The following KIDINS220 variants were observed in gnomAD, a reference collection of about 807,000 sequenced individuals.
KIDINS220 encodes kinase D-interacting substrate of 220 kDa.
In KIDINS220, 63 loss-of-function variants were observed where a neutral mutation model predicts 157.6. The observed-to-expected ratio is 0.40, with a 90% confidence interval of 0.33 to 0.49. The LOEUF is 0.49. Ranked by LOEUF, KIDINS220 falls within the 20% of genes least tolerant of loss-of-function variation. The pLI is 0.66. For missense variants in KIDINS220, 1,772 were observed against 2,171.2 expected, an observed-to-expected ratio of 0.82 and a Z score of 3.65; for synonymous variants, 732 against 783.6, an observed-to-expected ratio of 0.93 and a Z score of 1.10.
intron 22 of KIDINS220, among the ~76,000 whole-genome samples, chr2:8,759,676 C>T (rs978773578): frequency 5.3e-5 from 8 of 151,520 alleles, no homozygotes; most frequent in African/African-American, 1.9e-4. Flanking sequence ...AAGGCACTGT[C>T]TTCATTCATG....
chr2:8,750,037 C>CTCT, intron 24 of KIDINS220, 75 bp downstream of exon 24: 1 of 1,300,644 alleles, frequency 7.7e-7, no homozygotes, highest in Non-Finnish European at 1.1e-6. Context: ...AAAACCAAAA[C>CTCT]AGAATCCACA....
At chr2:8,788,988 T>A (rs1672809476) in intron 14 of KIDINS220, among the ~76,000 whole-genome samples, 176 bp from the exon 15 acceptor site, 2 of 152,122 alleles carry the variant, frequency 1.3e-5, no homozygotes, top group African/African-American at 4.8e-5. Flanking sequence ...ATACAGAAGA[T>A]ATGAAAAATG....
chr2:8,738,517 C>T (rs565350875), intron 26 of KIDINS220, among the ~76,000 whole-genome samples: 1 of 152,336 alleles, frequency 6.6e-6, no homozygotes, highest in South Asian at 2.1e-4. Flanking sequence ...ACATCAAGAA[C>T]CTTCAACTCT....
intron 2 of KIDINS220, among the ~76,000 whole-genome samples, chr2:8,825,103 T>C (rs996683897): frequency 4.6e-5 from 7 of 152,102 alleles, no homozygotes; most frequent in Non-Finnish European, 1.0e-4. Context: ...CCGGATGCAG[T>C]GGTCATGCCT....
chr2:8,777,848 C>T (rs1055448373), intron 20 of KIDINS220, among the ~76,000 whole-genome samples: 1 of 152,138 alleles, frequency 6.6e-6, no homozygotes, highest in Non-Finnish European at 1.5e-5. Context: ...GTTATATGCG[C>T]CTCTGAATTT....
chr2:8,803,547 T>G (rs1171294998), intron 7 of KIDINS220, among the ~76,000 whole-genome samples: 1 of 152,144 alleles, frequency 6.6e-6, no homozygotes, highest in East Asian at 1.9e-4. Context: ...CAAGAATTCT[T>G]TATAATAAAA....
chr2:8,742,678 A>T (rs1006827534), intron 26 of KIDINS220, among the ~76,000 whole-genome samples: 3 of 152,208 alleles, frequency 2.0e-5, no homozygotes, highest in African/African-American at 7.2e-5. Flanking sequence ...GGAGGTCAAG[A>T]AAGAATGACT....
chr2:8,768,445 A>G (rs1193023370), intron 22 of KIDINS220, among the ~76,000 whole-genome samples: 3 of 152,198 alleles, frequency 2.0e-5, no homozygotes, highest in African/African-American at 7.2e-5. Context: ...GTCATTTGTT[A>G]AAAGTTGAAC....
intron 22 of KIDINS220, among the ~76,000 whole-genome samples, chr2:8,758,208 T>C (rs1435819399): frequency 3.3e-5 from 5 of 152,192 alleles, no homozygotes; most frequent in Admixed American, 6.5e-5. Flanking sequence ...AATCTGATGA[T>C]AGGAATGTTA....
chr2:8,770,898 T>C (rs927685627), intron 21 of KIDINS220, 66 bp from the exon 22 acceptor site: 2 of 904,248 alleles, frequency 2.2e-6, no homozygotes, highest in Non-Finnish European at 3.2e-6. Context: ...GTAAAACATT[T>C]AGTATATTCA....
At chr2:8,749,256 T>C in intron 24 of KIDINS220, 1 of 283,960 alleles carries the variant, frequency 3.5e-6, no homozygotes, top group Non-Finnish European at 7.0e-6. Context: ...CCAGCTCATA[T>C]GAGATGTATT....
intron 22 of KIDINS220, chr2:8,757,624 C>T: frequency 6.2e-7 from 1 of 1,605,736 alleles, no homozygotes; most frequent in South Asian, 1.1e-5. Context: ...AGGCAGATAA[C>T]CCAAGTGAAT....
At chr2:8,804,476 G>A (rs1421726482) in intron 7 of KIDINS220, among the ~76,000 whole-genome samples, 1 of 152,070 alleles carries the variant, frequency 6.6e-6, no homozygotes. Context: ...GCACAGGCTG[G>A]GGAATGAGGA....
chr2:8,817,269 A>AT (rs1558482767), intron 4 of KIDINS220, among the ~76,000 whole-genome samples: 1 of 152,232 alleles, frequency 6.6e-6, no homozygotes, highest in African/African-American at 2.4e-5. Context: ...CAAACACCTG[A>AT]TAATAGTTTT....
chr2:8,782,342 C>T (rs542037490), intron 17 of KIDINS220, among the ~76,000 whole-genome samples: 2 of 152,006 alleles, frequency 1.3e-5, no homozygotes, highest in South Asian at 4.2e-4. Context: ...TTCAGAAAAA[C>T]AACAAATAAA....
At chr2:8,762,365 A>G (rs1208121095) in intron 22 of KIDINS220, among the ~76,000 whole-genome samples, 3 of 152,172 alleles carry the variant, frequency 2.0e-5, no homozygotes, top group Non-Finnish European at 4.4e-5. Context: ...TTTTTTCTTC[A>G]TTCTACGTTT....
chr2:8,745,196 T>C (rs1666369835), intron 26 of KIDINS220, among the ~76,000 whole-genome samples: 1 of 152,244 alleles, frequency 6.6e-6, no homozygotes, highest in Non-Finnish European at 1.5e-5. Context: ...CAGTATCTGA[T>C]TTTCTTCAAA....
In KIDINS220 at chr2:8,730,919, C is replaced by A. The variant is rs1259148196; in HGVS notation, c.5117G>T (p.Arg1706Met). ...NQNFDEMEGI[R>M]ETSQVILRPS... Reference sequence around the variant, plus strand: ...CCTCAAAATGACTTGAGAAGTCTCCCTAATTCCCTCCATCTCATCGAAATT... The same window carrying A: ...CCTCAAAATGACTTGAGAAGTCTCCATAATTCCCTCCATCTCATCGAAATT... Residue 1706 changes from arginine (R) to methionine (M), a missense_variant, in exon 30 of 30, where the codon AGG becomes ATG. This residue lies in a region of KIDINS220 where 793 missense variants were observed against 885.5 expected (regional missense o/e 0.90). Coordinates refer to ENST00000256707, the MANE Select transcript of KIDINS220 (RefSeq NM_020738.4). The A allele has an allele frequency of 2.5e-6, 4 of 1,614,046 alleles. No homozygotes were observed. In the African/African-American group the frequency reaches 5.3e-5, roughly 22 times the overall value.
chr2:8,832,252 A>C (rs181561588), intron 1 of KIDINS220, among the ~76,000 whole-genome samples: 19 of 152,322 alleles, frequency 1.2e-4, no homozygotes, highest in Admixed American at 2.6e-4. Context: ...TTGTTCAACT[A>C]GAGGTATGTT....
Sources: allele counts gnomAD v4.1 joint callset (sites outside exome capture counted in the v4.1 genomes callset), GRCh38; gene constraint gnomAD v4.1.1; regional missense constraint gnomAD v4.1.1; transcripts MANE v1.5; gene names NCBI Gene and HGNC (gene_info 2026-07-23, HGNC 2026-07-21).